The following ATP8B4 variants were observed in gnomAD, a reference collection of about 807,000 sequenced individuals.
ATP8B4 encodes ATPase phospholipid transporting 8B4 (putative), also known as probable phospholipid-transporting ATPase IM.
Under a neutral mutation model 145.6 loss-of-function variants are expected in ATP8B4, and 133 were observed. The observed-to-expected ratio is 0.91, with a 90% CI of 0.79 to 1.05. ATP8B4 has a LOEUF of 1.05. ATP8B4 is among the 50% of genes least tolerant of loss of function. ATP8B4 has a pLI of 0.00. For missense variants in ATP8B4, 1,458 were observed against 1,425.2 expected (o/e 1.02, Z -0.37); for synonymous variants, 507 against 492.9 (o/e 1.03, Z -0.38).
At chr15:49,946,813 A>G (rs2042609041) in intron 14 of ATP8B4, among the ~76,000 whole-genome samples, 1 of 152,176 alleles carries the variant, frequency 6.6e-6, no homozygotes, top group Non-Finnish European at 1.5e-5. Flanking sequence ...TGTTCCTGGA[A>G]CACTGGGAAG....
At chr15:50,084,849 TCTGATAAGGATCC>T (rs1008161408) in intron 2 of ATP8B4, among the ~76,000 whole-genome samples, 1 of 152,106 alleles carries the variant, frequency 6.6e-6, no homozygotes, top group Non-Finnish European at 1.5e-5. Context: ...CCTGCCTCCC[TCTGATAAGGATCC>T]CTGCAAATTA....
intron 17 of ATP8B4, among the ~76,000 whole-genome samples, chr15:49,922,929 C>T (rs1355171081): frequency 6.6e-6 from 1 of 152,170 alleles, no homozygotes; most frequent in Admixed American, 6.5e-5. Flanking sequence ...GCACCAGAGA[C>T]TATTTTCCTC....
intron 10 of ATP8B4, among the ~76,000 whole-genome samples, chr15:49,981,714 T>G (rs2046171592): frequency 6.6e-6 from 1 of 152,134 alleles, no homozygotes. Flanking sequence ...AATCAAATTC[T>G]AGATCTGTTT....
Position 49,884,603 on chromosome 15 carries a change from CAAAAAAAAAGAAAAAAAAA to C in ATP8B4, c.2698-5163_2698-5145del, listed in dbSNP as rs1454170079. Among the ~76,000 whole-genome samples the C allele has an allele frequency of 9.2e-5, 3 of 32,772 alleles. No homozygotes were observed. In the East Asian group the frequency reaches 3.3e-3, roughly 36 times the overall value. 21.5% of individuals were successfully genotyped at this position (32,772 alleles called of 152,430 possible). On this transcript the variant is annotated intron_variant, in intron 23 of 27. Coordinates refer to ENST00000284509, the MANE Select transcript of ATP8B4 (RefSeq NM_024837.4). ...GGAGACAGAAGTGAAATCCTGTCTC[CAAAAAAAAAGAAAAAAAAA>C]AAAAAAAAAGAAAGTTTCCTTGAAG...
chr15:49,958,368 G>A (rs1260435566), intron 14 of ATP8B4, among the ~76,000 whole-genome samples: 1 of 151,258 alleles, frequency 6.6e-6, no homozygotes, highest in Non-Finnish European at 1.5e-5. Context: ...TATGAAGTAG[G>A]GAAAAGCAAA....
chr15:50,009,616 C>T (rs185138556), intron 7 of ATP8B4: 120 of 446,026 alleles, frequency 2.7e-4, no homozygotes, highest in African/African-American at 9.9e-4. Flanking sequence ...CTTGATTCCA[C>T]GCACAGAGTA....
rs2037622291 is a variant in ATP8B4, at chr15:49,898,163, A to G, written c.2378T>C (p.Leu793Pro). ...CAGCTCTACCACTTGGGCTTTCTGG[A>G]GTGGAGTGACCCTGCAGCAAATTAC... ...KTVICCRVTP[L>P]QKAQVVELVK... The change falls in exon 22 of 28, where the codon CTC (leucine) becomes CCC (proline). Residue 793 changes from leucine to proline, a missense_variant. Leu to Pro is a moderately conservative substitution (Grantham distance 98, BLOSUM62 -3). Transcript: ENST00000284509. 6.2e-7 allele frequency: 1 copy of G among 1,613,970 alleles called. No homozygotes were observed. The highest frequency in any genetic ancestry group is 1.3e-5 in the African/African-American group (1 of 75,030).
At chr15:49,989,570 G>GC in intron 9 of ATP8B4, among the ~76,000 whole-genome samples, 1 of 152,096 alleles carries the variant, frequency 6.6e-6, no homozygotes, top group Non-Finnish European at 1.5e-5. Context: ...ATGTTGGCTT[G>GC]CCCCTCCCTG....
chr15:49,925,680 A>T (rs1428250180), intron 16 of ATP8B4, among the ~76,000 whole-genome samples: 4 of 152,176 alleles, frequency 2.6e-5, no homozygotes, highest in Non-Finnish European at 5.9e-5. Context: ...TTCTGATTCA[A>T]TAAATACTTT....
chr15:50,088,543 G>A (rs7172916), intron 2 of ATP8B4, among the ~76,000 whole-genome samples: 47,069 of 151,808 alleles, frequency 0.31, 8,481 homozygotes, highest in East Asian at 0.65. Flanking sequence ...CATGGCTGCC[G>A]CCTCACTTCT....
In ATP8B4 at chr15:50,169,466, C is replaced by T. The variant is rs115691430; in HGVS notation, c.-43+12795G>A. Among the ~76,000 whole-genome samples the T allele has an allele frequency of 3.3e-3, 506 of 152,334 alleles. 4 individuals carry two copies. The highest frequency in any genetic ancestry group is 0.011 in the African/African-American group (473 of 41,576). On this transcript the variant is annotated intron_variant, in intron 1 of 3. Coordinates refer to the ATP8B4 transcript ENST00000558829. ...CAGTTCAGCTCACAGGAGCCACATC[C>T]ATAGGAAAAGGGGAGAGTACTATAT...
Position 49,916,933 on chromosome 15 carries a change from C to T in ATP8B4, c.2141+1G>A. On this transcript the variant is annotated splice_donor_variant, in intron 20 of 27. Coordinates refer to ENST00000284509, the MANE Select transcript of ATP8B4 (RefSeq NM_024837.4). LOFTEE classifies it high-confidence loss of function. ...CCTTTCCTCCTTCCTTCAACACCTA[C>T]CTGAGTTCTTCTCTCACTTCCACAG... is the stretch of plus-strand genomic sequence containing the variant. 1 of 1,612,870 alleles carries T rather than the reference C, an allele frequency of 6.2e-7. No individual in the cohort carries two copies. Among genetic ancestry groups the T allele is most frequent in the South Asian group, 1.1e-5 (1 of 90,952 alleles).
At chr15:50,139,564 T>A (rs952011161) in intron 1 of ATP8B4, among the ~76,000 whole-genome samples, 1 of 152,118 alleles carries the variant, frequency 6.6e-6, no homozygotes, top group Non-Finnish European at 1.5e-5. Context: ...GCAACAAACC[T>A]GCATGTTCTA....
At chr15:49,915,828 T>C (rs1484583639) in intron 20 of ATP8B4, among the ~76,000 whole-genome samples, 1 of 145,466 alleles carries the variant, frequency 6.9e-6, no homozygotes, top group East Asian at 1.9e-4. Context: ...CAGCACGATA[T>C]AGCAGGTTTT....
chr15:49,910,544 T>G (rs574175663), intron 20 of ATP8B4, among the ~76,000 whole-genome samples: 1 of 152,248 alleles, frequency 6.6e-6, no homozygotes, highest in Admixed American at 6.5e-5. Context: ...TGTGATACAT[T>G]ATAGTCAAAC....
At chr15:50,159,468 G>C (rs957970224) in intron 1 of ATP8B4, among the ~76,000 whole-genome samples, 1 of 152,084 alleles carries the variant, frequency 6.6e-6, no homozygotes, top group South Asian at 2.1e-4. Flanking sequence ...TTCCTAATTT[G>C]AATGTCCTTT....
At chr15:50,163,913 G>C (rs1193239179) in intron 1 of ATP8B4, among the ~76,000 whole-genome samples, 1 of 152,128 alleles carries the variant, frequency 6.6e-6, no homozygotes, top group African/African-American at 2.4e-5. Context: ...GGCCACCACT[G>C]TCTCAGGCTC....
At chr15:49,870,199 AT>A (rs2033464215) in intron 25 of ATP8B4, among the ~76,000 whole-genome samples, 1 of 152,186 alleles carries the variant, frequency 6.6e-6, no homozygotes, top group Admixed American at 6.5e-5. Context: ...GAATGTGTTG[AT>A]TTGGAAAGCT....
chr15:50,161,412 T>C (rs547996535), intron 1 of ATP8B4, among the ~76,000 whole-genome samples: 1 of 152,190 alleles, frequency 6.6e-6, no homozygotes, highest in East Asian at 1.9e-4. Flanking sequence ...CATTTTGTTG[T>C]TTTCTGGTTG....
Sources: allele counts gnomAD v4.1 joint callset (sites outside exome capture counted in the v4.1 genomes callset), GRCh38; gene constraint gnomAD v4.1.1; transcripts MANE v1.5; gene names NCBI Gene and HGNC (gene_info 2026-07-23, HGNC 2026-07-21).